Variants in IMMP2L observed in about 807,000 individuals in gnomAD.
IMMP2L encodes mitochondrial inner membrane protease subunit 2.
IMMP2L carries 18 observed loss-of-function variants against 19.3 expected under a neutral mutation model. The observed-to-expected ratio is 0.93, with a 90% confidence interval of 0.64 to 1.38. The LOEUF (loss-of-function observed/expected upper bound fraction) is 1.38, where lower values mean the gene tolerates loss of function less well. Among genes scored for constraint, IMMP2L ranks in the 40% most tolerant of loss-of-function variants. The pLI, the probability that IMMP2L is intolerant of heterozygous loss-of-function variation, is 0.00. For synonymous variants in IMMP2L, 76 were observed against 73.0 expected (o/e 1.04, Z -0.21); for missense variants, 233 against 218.2 (o/e 1.07, Z -0.43).
At chr7:110,890,627 T>C (rs1353269674) in intron 4 of IMMP2L, among the ~76,000 whole-genome samples, 3 of 152,282 alleles carry the variant, frequency 2.0e-5, no homozygotes, top group Non-Finnish European at 4.4e-5. Context: ...AAGATAATCT[T>C]TTAGGTGATT....
At chr7:111,505,083 G>A (rs1267852388) in intron 2 of IMMP2L, among the ~76,000 whole-genome samples, 1 of 151,788 alleles carries the variant, frequency 6.6e-6, no homozygotes, top group African/African-American at 2.4e-5. Context: ...TCTGACAAAG[G>A]GCTAATATCC....
At chr7:110,993,122 T>C (rs1018875946) in intron 3 of IMMP2L, among the ~76,000 whole-genome samples, 6 of 152,174 alleles carry the variant, frequency 3.9e-5, no homozygotes, top group Non-Finnish European at 8.8e-5. Context: ...ATCAATTTTT[T>C]TTTTAAAACA....
intron 3 of IMMP2L, among the ~76,000 whole-genome samples, chr7:111,157,769 A>G (rs1157695618): frequency 1.3e-5 from 2 of 152,116 alleles, no homozygotes; most frequent in Non-Finnish European, 2.9e-5. Flanking sequence ...GCTTGAGGTA[A>G]TCGATATCCC....
chr7:111,414,164 C>T (rs1349691030), intron 3 of IMMP2L, among the ~76,000 whole-genome samples: 1 of 151,760 alleles, frequency 6.6e-6, no homozygotes, highest in African/African-American at 2.4e-5. Flanking sequence ...GAATAAAGTA[C>T]ACTAGAACCA....
At chr7:110,712,110 T>C (rs1794911707) in intron 5 of IMMP2L, among the ~76,000 whole-genome samples, 1 of 91,120 alleles carries the variant, frequency 1.1e-5, no homozygotes, top group African/African-American at 3.0e-5. Context: ...TTCCAGTTTT[T>C]CTGTTCCGTT....
chr7:110,979,768 T>G (rs563314814), intron 3 of IMMP2L, among the ~76,000 whole-genome samples: 1 of 152,154 alleles, frequency 6.6e-6, no homozygotes, highest in South Asian at 2.1e-4. Flanking sequence ...ACAAATGCCC[T>G]AACAGACACC....
intron 3 of IMMP2L, among the ~76,000 whole-genome samples, chr7:111,173,284 A>C (rs2129609504): frequency 6.6e-6 from 1 of 151,724 alleles, no homozygotes; most frequent in Admixed American, 6.6e-5. Flanking sequence ...TTTTCTGATA[A>C]ATTAATTTCC....
At chr7:111,327,378 T>A (rs529736624) in intron 3 of IMMP2L, among the ~76,000 whole-genome samples, 1 of 151,838 alleles carries the variant, frequency 6.6e-6, no homozygotes, top group East Asian at 1.9e-4. Context: ...CTCACATAGA[T>A]CATTATATAT....
At chr7:111,423,554 T>G (rs934214040) in intron 3 of IMMP2L, among the ~76,000 whole-genome samples, 2 of 151,882 alleles carry the variant, frequency 1.3e-5, no homozygotes, top group Non-Finnish European at 2.9e-5. Flanking sequence ...GTGGGATAGG[T>G]GGTTATACCC....
chr7:110,837,084 G>A (rs1015728202), intron 5 of IMMP2L, among the ~76,000 whole-genome samples: 1 of 151,956 alleles, frequency 6.6e-6, no homozygotes, highest in African/African-American at 2.4e-5. Context: ...TGTTAGTAAT[G>A]GCACAAAACT....
At chr7:111,059,939 A>G (rs978048021) in intron 3 of IMMP2L, among the ~76,000 whole-genome samples, 43 of 116,416 alleles carry the variant, frequency 3.7e-4, no homozygotes, top group African/African-American at 4.8e-4. Context: ...AAAAAAAGAA[A>G]AAAAAAGAAC....
intron 3 of IMMP2L, among the ~76,000 whole-genome samples, chr7:111,324,410 T>C (rs981059734): frequency 2.0e-5 from 3 of 151,916 alleles, no homozygotes; most frequent in Admixed American, 1.3e-4. Flanking sequence ...AGAGAGAGAA[T>C]GCATTAAGGA....
At chr7:111,185,855 C>T (rs547152567) in intron 3 of IMMP2L, among the ~76,000 whole-genome samples, 2 of 152,172 alleles carry the variant, frequency 1.3e-5, no homozygotes, top group African/African-American at 4.8e-5. Context: ...GGGAAATATG[C>T]TTTATTTTAA....
chr7:110,734,262 C>T (rs150223949), intron 5 of IMMP2L, among the ~76,000 whole-genome samples: 3 of 152,244 alleles, frequency 2.0e-5, no homozygotes, highest in Admixed American at 6.5e-5. Flanking sequence ...TAGAAATAGA[C>T]AGTAAAGGCC....
chr7:110,734,248 C>T (rs1407955139), intron 5 of IMMP2L, among the ~76,000 whole-genome samples: 1 of 152,098 alleles, frequency 6.6e-6, no homozygotes, highest in Non-Finnish European at 1.5e-5. Context: ...TAACAGAATG[C>T]TGGTAGAAAT....
intron 5 of IMMP2L, among the ~76,000 whole-genome samples, chr7:110,664,461 C>G (rs1791304454): frequency 6.6e-6 from 1 of 152,060 alleles, no homozygotes; most frequent in Non-Finnish European, 1.5e-5. Flanking sequence ...GAATCCCCAT[C>G]AGCAGAGGAG....
chr7:111,272,576 G>C (rs1294121427), intron 3 of IMMP2L, among the ~76,000 whole-genome samples: 1 of 152,150 alleles, frequency 6.6e-6, no homozygotes, highest in Non-Finnish European at 1.5e-5. Context: ...CACATAGTAA[G>C]TGTCCCAAAC....
intron 5 of IMMP2L, among the ~76,000 whole-genome samples, chr7:110,848,005 G>A (rs1296243999): frequency 6.6e-6 from 1 of 152,100 alleles, no homozygotes; most frequent in East Asian, 1.9e-4. Context: ...GTATGGTGAT[G>A]ATCTTTTAGA....
chr7:110,815,080 C>T lies in IMMP2L; in HGVS notation c.408+71513G>A, dbSNP rs532284068. ...TAAGTTCTTCCAGTTTTTGCCCATT[C>T]AGTATGATATTGGCTGTGGGTTTGT... On this transcript the variant is annotated intron_variant, in intron 5 of 5. Coordinates refer to ENST00000405709, the MANE Select transcript of IMMP2L (RefSeq NM_032549.4). 2.6e-5 allele frequency among the ~76,000 whole-genome samples: 4 copies of T among 152,158 alleles called. No individual in the cohort carries two copies. In the South Asian group the frequency reaches 8.3e-4, roughly 32 times the overall value.
Sources: allele counts gnomAD v4.1 joint callset (sites outside exome capture counted in the v4.1 genomes callset), GRCh38; gene constraint gnomAD v4.1.1; transcripts MANE v1.5; gene names NCBI Gene and HGNC (gene_info 2026-07-23, HGNC 2026-07-21).